FAIM2: variants seen among roughly 807,000 people sequenced by gnomAD.
The protein encoded by FAIM2 is Fas apoptotic inhibitory molecule 2.
In FAIM2, 27 loss-of-function variants were observed where a neutral mutation model predicts 47.4. The observed-to-expected ratio is 0.57, with a 90% confidence interval of 0.42 to 0.78. The LOEUF is 0.78. Ranked by LOEUF, FAIM2 falls within the 30% of genes least tolerant of loss-of-function variation. The pLI, the probability that FAIM2 is intolerant of heterozygous loss-of-function variation, is 0.00. For synonymous variants in FAIM2, 156 were observed against 159.3 expected (o/e 0.98, Z 0.16); for missense variants, 311 against 389.4 (o/e 0.80, Z 1.69).
intron 5 of FAIM2, among the ~76,000 whole-genome samples, chr12:49,892,582 G>T (rs924526188): frequency 6.6e-6 from 1 of 152,016 alleles, no homozygotes; most frequent in African/African-American, 2.4e-5. Flanking sequence ...CACTATCATT[G>T]TTTCCCTGGT....
At chr12:49,889,447 C>T (rs1194944158) in intron 9 of FAIM2, 34 bp downstream of exon 9, 10 of 1,588,228 alleles carry the variant, frequency 6.3e-6, no homozygotes, top group African/African-American at 1.3e-5. Context: ...CAGCCTCAGG[C>T]CAGGGGTCCC....
At chr12:49,895,802 A>G (rs954468294) in intron 5 of FAIM2, among the ~76,000 whole-genome samples, 160 of 152,256 alleles carry the variant, frequency 1.1e-3, no homozygotes, top group African/African-American at 3.5e-3. Context: ...CCACCTCCCC[A>G]CCAGAGCCCT....
At chr12:49,879,861 T>C (rs1946793576) in intron 11 of FAIM2, among the ~76,000 whole-genome samples, 1 of 151,332 alleles carries the variant, frequency 6.6e-6, no homozygotes, top group Non-Finnish European at 1.5e-5. Flanking sequence ...TATGTTCATG[T>C]GTATATGTAC....
intron 11 of FAIM2, among the ~76,000 whole-genome samples, chr12:49,878,392 G>GTATGTGTGCATGTGTGTA (rs1555157918): frequency 8.0e-6 from 1 of 125,120 alleles, no homozygotes. Flanking sequence ...GTGTATATGT[G>GTATGTGTGCATGTGTGTA]TGTGTCTGTG....
chr12:49,880,398 G>A (rs576200973), intron 11 of FAIM2, among the ~76,000 whole-genome samples: 1 of 151,690 alleles, frequency 6.6e-6, no homozygotes, highest in Non-Finnish European at 1.5e-5. Flanking sequence ...GTGCATGTGA[G>A]TGTATGTATG....
intron 11 of FAIM2, among the ~76,000 whole-genome samples, chr12:49,884,236 A>C (rs1288407764): frequency 3.0e-4 from 3 of 10,086 alleles, no homozygotes; most frequent in East Asian, 4.5e-3. Flanking sequence ...AAAAAAAAAA[A>C]AACAAAAAAC....
rs1204918533 is a variant in FAIM2 at position 49,868,440 on chromosome 12, T to C, written c.*2064A>G. The C allele has an allele frequency of 6.6e-6, 1 of 152,200 alleles. No homozygotes were observed. Among genetic ancestry groups the C allele is most frequent in the African/African-American group, 2.4e-5 (1 of 41,422 alleles). 9.4% of individuals were successfully genotyped at this position (152,200 alleles called of 1,614,324 possible). On this transcript the variant is annotated 3_prime_UTR_variant, in exon 12 of 12. Transcript: ENST00000320634. ...ACCAGAAATCTTGCCTCCCAGCTCT[T>C]GTCTGGAAGATAGAAACCTCAGAGT...
intron 11 of FAIM2, among the ~76,000 whole-genome samples, chr12:49,879,458 G>C (rs1946783784): frequency 6.7e-6 from 1 of 150,242 alleles, no homozygotes; most frequent in Admixed American, 6.6e-5. Flanking sequence ...GTGTGCATAC[G>C]TGTATATGTG....
At position 49,878,496 on chromosome 12, in the gene FAIM2, G is replaced by T. The variant is rs1565613266; in HGVS notation, c.802-7843C>A. Among the ~76,000 whole-genome samples the T allele has an allele frequency of 2.7e-5, 3 of 111,966 alleles. 1 individual carries two copies. The highest frequency in any genetic ancestry group is 2.2e-4 in the Admixed American group (2 of 8,896). The allele number at this position is 111,966 out of a possible 152,430, so 73.5% of individuals were successfully genotyped here. A position where few individuals can be genotyped will look rare whatever the true frequency, so the allele number is the denominator to read the frequency against. On this transcript the variant is annotated intron_variant, in intron 11 of 11. Transcript: ENST00000320634. ...TGTGTGCATGTGTGTATATGTATGT[G>T]CATGTGTGTATATGTGTGCATATGA...
intron 5 of FAIM2, among the ~76,000 whole-genome samples, chr12:49,895,925 A>AT (rs943712937): frequency 2.6e-5 from 4 of 152,352 alleles, no homozygotes; most frequent in African/African-American, 9.6e-5. Flanking sequence ...ATTCCCCTGC[A>AT]TGGAGCCTTC....
intron 6 of FAIM2, 89 bp from the exon 7 acceptor site, chr12:49,890,811 G>T: frequency 1.8e-6 from 2 of 1,123,640 alleles, no homozygotes; most frequent in South Asian, 1.2e-5. Flanking sequence ...GGGGGTCTCT[G>T]ACCAACCCCC....
In FAIM2 at chr12:49,867,330, CGCCCAGGAGA is replaced by C. The variant is rs1555156753; in HGVS notation, c.*3164_*3173del. On this transcript the variant is annotated 3_prime_UTR_variant, in exon 12 of 12. Coordinates refer to ENST00000320634, the MANE Select transcript of FAIM2 (RefSeq NM_012306.4). Reference sequence around the variant, plus strand: ...AAGTGCTTATGCAAAAATCCCACCCCGCCCAGGAGAGCAGCCAGGACACCTGGGACTTGGC... The same window carrying C: ...AAGTGCTTATGCAAAAATCCCACCCCGCAGCCAGGACACCTGGGACTTGGC... 1 of 152,320 alleles carries C rather than the reference CGCCCAGGAGA, an allele frequency of 6.6e-6. No homozygotes were observed. Among genetic ancestry groups the C allele is most frequent in the Non-Finnish European group, 1.5e-5 (1 of 68,142 alleles). 9.4% of individuals were successfully genotyped at this position (152,320 alleles called of 1,614,324 possible). A position where few individuals can be genotyped will look rare whatever the true frequency, so the allele number is the denominator to read the frequency against.
intron 7 of FAIM2, 102 bp from the exon 8 acceptor site, chr12:49,890,256 C>T: frequency 9.5e-7 from 1 of 1,049,714 alleles, no homozygotes; most frequent in African/African-American, 1.6e-5. Context: ...AGGTACCCCT[C>T]AACTCTTTGT....
chr12:49,878,908 GT>G (rs1946772245), intron 11 of FAIM2, among the ~76,000 whole-genome samples: 1 of 134,932 alleles, frequency 7.4e-6, no homozygotes, highest in African/African-American at 2.8e-5. Context: ...ATGTGTATGC[GT>G]GTGAGTGCAT....
chr12:49,879,294 G>T (rs1409197294), intron 11 of FAIM2, among the ~76,000 whole-genome samples: 1 of 128,954 alleles, frequency 7.8e-6, no homozygotes, highest in Non-Finnish European at 1.6e-5. Flanking sequence ...ATGTGTGTGG[G>T]TATGTGTATG....
rs776070850 is a variant in FAIM2, at chr12:49,887,377, C to A, written c.801+9G>T. The A allele has an allele frequency of 2.5e-6, 4 of 1,608,942 alleles. No homozygotes were observed. Among genetic ancestry groups the A allele is most frequent in the Non-Finnish European group, 3.4e-6 (4 of 1,177,316 alleles). ...GAAGGAGGCTGCCAAGGAGCTAGACCACACTCACCAATGTAAATACACCCG... is the reference window on the plus strand; with the variant it reads ...GAAGGAGGCTGCCAAGGAGCTAGACAACACTCACCAATGTAAATACACCCG... On this transcript the variant is annotated intron_variant, in intron 11 of 11. Coordinates refer to ENST00000320634, the MANE Select transcript of FAIM2 (RefSeq NM_012306.4).
chr12:49,870,703 G>C, intron 11 of FAIM2, 50 bp from the exon 12 acceptor site: 1 of 1,589,864 alleles, frequency 6.3e-7, no homozygotes, highest in Non-Finnish European at 8.6e-7. Context: ...CAGGCAGTGT[G>C]ACACTGACTA....
chr12:49,878,564 A>ATG (rs1946764217), intron 11 of FAIM2, among the ~76,000 whole-genome samples: 1 of 120,548 alleles, frequency 8.3e-6, no homozygotes, highest in East Asian at 3.0e-4. Flanking sequence ...GTGTGAGTGT[A>ATG]TATGTTCATG....
chr12:49,880,238 ATG>A (rs1264523685), intron 11 of FAIM2, among the ~76,000 whole-genome samples: 1 of 139,984 alleles, frequency 7.1e-6, no homozygotes, highest in African/African-American at 2.7e-5. Flanking sequence ...GCATGTGTGT[ATG>A]TGTATGTTCA....
Sources: gnomAD v4.1 joint callset for allele counts (sites outside exome capture counted in the v4.1 genomes callset) on GRCh38, gnomAD v4.1.1 for gene constraint, MANE v1.5 for transcripts, NCBI Gene and HGNC (gene_info 2026-07-23, HGNC 2026-07-21) for gene names.